The following PAIP2 variants were observed in gnomAD, a reference collection of about 807,000 sequenced individuals.
PAIP2 encodes the protein poly(A) binding protein interacting protein 2.
A neutral mutation model predicts 14.8 loss-of-function variants in PAIP2; 7 were observed. The observed-to-expected ratio is 0.47, with a 90% CI of 0.27 to 0.89. PAIP2 has a LOEUF of 0.89. Ranked by LOEUF, PAIP2 falls within the 40% of genes least tolerant of loss-of-function variation. The probability of loss-of-function intolerance (pLI) is 0.13; values close to 1 mark genes in which losing one functional copy is unlikely to be tolerated. For synonymous variants in PAIP2, 47 were observed against 45.3 expected (o/e 1.04, Z -0.15); for missense variants, 122 against 154.7 (o/e 0.79, Z 1.12).
intron 1 of PAIP2, chr5:139,342,406 G>GC (rs34229163): frequency 2.6e-5 from 4 of 152,012 alleles, no homozygotes; most frequent in African/African-American, 7.2e-5. Flanking sequence ...GCCACGCGCA[G>GC]CCCCTACTTG....
At chr5:139,350,171 G>A (rs1222086231) in intron 1 of PAIP2, among the ~76,000 whole-genome samples, 3 of 143,762 alleles carry the variant, frequency 2.1e-5, no homozygotes, top group Admixed American at 7.0e-5. Context: ...GCGAGACTCT[G>A]TCTCAAAAAA....
At chr5:139,356,574 A>G (rs1756918882) in intron 1 of PAIP2, among the ~76,000 whole-genome samples, 1 of 151,736 alleles carries the variant, frequency 6.6e-6, no homozygotes, top group East Asian at 1.9e-4. Flanking sequence ...ATGCCTCATA[A>G]TTTTTGTTGA....
At chr5:139,348,128 A>G (rs1175695288) in intron 1 of PAIP2, among the ~76,000 whole-genome samples, 1 of 148,954 alleles carries the variant, frequency 6.7e-6, no homozygotes, top group South Asian at 2.1e-4. Context: ...CCTGGGCAAC[A>G]GAGTGAGACT....
chr5:139,342,279 T>G (rs1176787892), intron 1 of PAIP2, among the ~76,000 whole-genome samples: 1 of 152,060 alleles, frequency 6.6e-6, no homozygotes, highest in East Asian at 1.9e-4. Flanking sequence ...TAGCACTTTC[T>G]CCTGTTCCTC....
At chr5:139,360,531 C>T (rs560632315) in intron 1 of PAIP2, among the ~76,000 whole-genome samples, 4 of 151,572 alleles carry the variant, frequency 2.6e-5, no homozygotes, top group South Asian at 4.2e-4. Flanking sequence ...CTTGCTCTGC[C>T]GCCCAGGCTG....
intron 3 of PAIP2, among the ~76,000 whole-genome samples, chr5:139,366,157 G>A (rs1757236130): frequency 6.7e-6 from 1 of 149,184 alleles, no homozygotes; most frequent in Admixed American, 6.7e-5. Context: ...GAACCAAGAT[G>A]GTGTCGTTGC....
chr5:139,352,714 TC>T (rs1339057187), intron 1 of PAIP2, among the ~76,000 whole-genome samples: 6 of 150,454 alleles, frequency 4.0e-5, no homozygotes, highest in African/African-American at 7.3e-5. Flanking sequence ...CAGGTGATCT[TC>T]CTGCCTCAGC....
At chr5:139,366,437 G>A (rs901402925) in intron 3 of PAIP2, among the ~76,000 whole-genome samples, 4 of 152,058 alleles carry the variant, frequency 2.6e-5, no homozygotes, top group African/African-American at 4.8e-5. Context: ...TGCCTGAGTC[G>A]GTCATTTGGA....
intron 1 of PAIP2, among the ~76,000 whole-genome samples, chr5:139,359,473 A>G (rs1380614550): frequency 6.6e-6 from 1 of 152,024 alleles, no homozygotes; most frequent in Non-Finnish European, 1.5e-5. Context: ...AAGTTGGGAC[A>G]GGATACAAAT....
In PAIP2 at chr5:139,363,942, A is replaced by C; in HGVS notation, c.138+20A>C. On this transcript the variant is annotated intron_variant, in intron 2 of 3. Transcript: ENST00000265192. ...AGACAAGTTAGTTTTTTGTACAAAC[A>C]TGTTTTTATAGTCCATTCTGGCCCT... The C allele has an allele frequency of 6.2e-7, 1 of 1,607,788 alleles. No homozygotes were observed. Among genetic ancestry groups the C allele is most frequent in the Middle Eastern group, 1.7e-4 (1 of 6,036 alleles).
At chr5:139,360,594 G>C (rs963098724) in intron 1 of PAIP2, among the ~76,000 whole-genome samples, 2 of 151,926 alleles carry the variant, frequency 1.3e-5, no homozygotes, top group Admixed American at 6.6e-5. Context: ...CCAGGGTCAG[G>C]AGATCCTCCT....
intron 1 of PAIP2, among the ~76,000 whole-genome samples, chr5:139,362,405 GTTTTTTTTTT>G (rs554669690): frequency 1.4e-5 from 1 of 73,928 alleles, no homozygotes; most frequent in East Asian, 3.9e-4. Context: ...GTTTTTGGGT[GTTTTTTTTTT>G]TTTTTTTTTT....
At chr5:139,350,114 G>A (rs1292378705) in intron 1 of PAIP2, among the ~76,000 whole-genome samples, 1 of 150,506 alleles carries the variant, frequency 6.6e-6, no homozygotes, top group African/African-American at 2.5e-5. Flanking sequence ...GGCAGAGACT[G>A]CAGTGAGCTG....
intron 1 of PAIP2, among the ~76,000 whole-genome samples, chr5:139,352,931 C>T (rs1000728620): frequency 2.6e-5 from 4 of 151,562 alleles, no homozygotes; most frequent in Middle Eastern, 3.4e-3. Context: ...GCCTGACCAA[C>T]GTGGAGAAAC....
chr5:139,349,669 A>G (rs1187791732), intron 1 of PAIP2, among the ~76,000 whole-genome samples: 1 of 152,212 alleles, frequency 6.6e-6, no homozygotes, highest in African/African-American at 2.4e-5. Context: ...TAAACATGAA[A>G]TTATTATGAA....
chr5:139,344,344 G>C (rs1367486113), intron 1 of PAIP2, among the ~76,000 whole-genome samples: 1 of 152,198 alleles, frequency 6.6e-6, no homozygotes, highest in Non-Finnish European at 1.5e-5. Context: ...TCTTCTGACT[G>C]TGGTCTAAGA....
intron 1 of PAIP2, among the ~76,000 whole-genome samples, chr5:139,363,093 TAGCTG>T (rs1271377344): frequency 4.0e-5 from 6 of 151,896 alleles, no homozygotes; most frequent in Non-Finnish European, 7.4e-5. Context: ...ATACAAAAAT[TAGCTG>T]GGCATGGTAG....
intron 3 of PAIP2, 97 bp from the exon 4 acceptor site, chr5:139,368,636 T>C (rs1757451581): frequency 1.3e-6 from 1 of 794,586 alleles, no homozygotes; most frequent in Non-Finnish European, 2.1e-6. Flanking sequence ...TCTTTTGTCT[T>C]TTTTTTTTTG....
chr5:139,343,852 G>C (rs1474277162), intron 1 of PAIP2, among the ~76,000 whole-genome samples: 1 of 151,802 alleles, frequency 6.6e-6, no homozygotes, highest in Admixed American at 6.6e-5. Flanking sequence ...CTAGTAGCTG[G>C]GACTACAGGC....
Sources: gnomAD v4.1 joint callset for allele counts (sites outside exome capture counted in the v4.1 genomes callset) on GRCh38, gnomAD v4.1.1 for gene constraint, MANE v1.5 for transcripts, NCBI Gene and HGNC (gene_info 2026-07-23, HGNC 2026-07-21) for gene names.